SUCO: variants seen among roughly 807,000 people sequenced by gnomAD.
The protein encoded by SUCO is SUN domain-containing ossification factor.
Under a neutral mutation model 148.1 loss-of-function variants are expected in SUCO, and 57 were observed. The ratio of observed to expected loss-of-function variants is 0.38; its 90% confidence interval spans 0.31 to 0.48. The LOEUF is 0.48. Among genes scored for constraint, SUCO ranks in the 20% least tolerant of loss-of-function variants. SUCO has a pLI of 0.96. For missense variants in SUCO, 1,331 were observed against 1,468.2 expected, an observed-to-expected ratio of 0.91 and a Z score of 1.53; for synonymous variants, 470 against 502.7, an observed-to-expected ratio of 0.93 and a Z score of 0.87.
intron 1 of SUCO, chr1:172,542,719 T>A: frequency 1.0e-6 from 1 of 985,408 alleles, no homozygotes; most frequent in African/African-American, 1.7e-5. Context: ...TGGGGACCGC[T>A]GTCATAGAGG....
intron 9 of SUCO, among the ~76,000 whole-genome samples, chr1:172,572,708 A>T (rs868552215): frequency 2.0e-5 from 3 of 146,462 alleles, no homozygotes; most frequent in Admixed American, 6.8e-5. Context: ...AAAAAAAAAA[A>T]AAAAAAAAAA....
At position 172,608,755 on chromosome 1, in the gene SUCO, A is replaced by C; in HGVS notation, c.3274A>C (p.Asn1092His). The change falls in exon 23 of 24, where the codon AAT (asparagine) becomes CAT (histidine). Residue 1092 changes from asparagine (N) to histidine (H), a missense_variant. Physicochemically the swap from Asn to His is moderately conservative, Grantham distance 68 (BLOSUM62 1). This residue lies in a region of SUCO where 334 missense variants were observed against 352.3 expected (regional missense o/e 0.95). Transcript: ENST00000263688. ...TTTTTTTTTACTTACAGTAGACCCA[A>C]ATGATTTGTACATTGTAGAACCCCT... ...LQLTGKEVDP[N>H]DLYIVEPLKF... is the part of the protein sequence containing the mutation. 6.3e-7 allele frequency: 1 copy of C among 1,582,962 alleles called. No homozygotes were observed. Among genetic ancestry groups the C allele is most frequent in the Non-Finnish European group, 8.6e-7 (1 of 1,161,944 alleles).
chr1:172,563,174 T>C (rs1281700803), intron 6 of SUCO, among the ~76,000 whole-genome samples: 1 of 152,132 alleles, frequency 6.6e-6, no homozygotes, highest in East Asian at 1.9e-4. Flanking sequence ...CAGACTAATA[T>C]AGAAAATTGG....
Position 172,570,044 on chromosome 1 carries a change from C to T in SUCO, c.857-3C>T. ...AATATTTATAATAACGGTTTGTCTGCAGGTCAGTCGATGCATGCATCTTCT... is the reference window on the plus strand; with the variant it reads ...AATATTTATAATAACGGTTTGTCTGTAGGTCAGTCGATGCATGCATCTTCT... On this transcript the variant is annotated splice_region_variant and splice_polypyrimidine_tract_variant and intron_variant, in intron 7 of 23. Coordinates refer to ENST00000263688, the MANE Select transcript of SUCO (RefSeq NM_014283.5). 6.8e-7 allele frequency: 1 copy of T among 1,476,268 alleles called. No homozygotes were observed. The highest frequency in any genetic ancestry group is 9.0e-7 in the Non-Finnish European group (1 of 1,106,686). 91.4% of individuals were successfully genotyped at this position (1,476,268 alleles called of 1,614,324 possible).
chr1:172,602,034 G>A (rs763961904), intron 20 of SUCO, 30 bp from the exon 21 acceptor site: 4 of 1,559,320 alleles, frequency 2.6e-6, no homozygotes, highest in South Asian at 1.2e-5. Flanking sequence ...GATTTCCTAT[G>A]ATTATTATTT....
chr1:172,604,555 AAC>A (rs981726598), intron 22 of SUCO, among the ~76,000 whole-genome samples: 1 of 151,924 alleles, frequency 6.6e-6, no homozygotes, highest in African/African-American at 2.4e-5. Flanking sequence ...TTATCATTTT[AAC>A]AGTTTTTAAG....
intron 19 of SUCO, among the ~76,000 whole-genome samples, chr1:172,599,828 G>T (rs1657381796): frequency 1.3e-5 from 2 of 152,114 alleles, no homozygotes; most frequent in Admixed American, 1.3e-4. Context: ...GTAGCAGTGG[G>T]TGACAAAAAT....
chr1:172,594,657 A>AT (rs1340697681), intron 19 of SUCO, among the ~76,000 whole-genome samples: 1 of 152,116 alleles, frequency 6.6e-6, no homozygotes, highest in Non-Finnish European at 1.5e-5. Context: ...GTTTGTTATA[A>AT]TTTCTGTTCT....
At chr1:172,548,047 T>C (rs935954029) in intron 1 of SUCO, among the ~76,000 whole-genome samples, 64 of 152,170 alleles carry the variant, frequency 4.2e-4, no homozygotes, top group African/African-American at 1.5e-3. Context: ...TCTTCTGAAA[T>C]TTGAAATTAT....
Position 172,551,501 on chromosome 1 carries a change from G to C in SUCO, c.63-11G>C, listed in dbSNP as rs200545553. Reference sequence around the variant, plus strand: ...TTTTTCTGTTTGTTGGTGGTGGTGGGTGTTTTACAGGCTTCCCAGCTGGCG... The same window carrying C: ...TTTTTCTGTTTGTTGGTGGTGGTGGCTGTTTTACAGGCTTCCCAGCTGGCG... On this transcript the variant is annotated splice_polypyrimidine_tract_variant and intron_variant, in intron 1 of 23. Transcript: ENST00000263688. 56 of 1,535,950 alleles carry C rather than the reference G, an allele frequency of 3.6e-5. No homozygotes were observed. In the African/African-American group the frequency reaches 5.3e-4, roughly 14 times the overall value.
At chr1:172,585,481 C>T (rs1656174907) in intron 16 of SUCO, among the ~76,000 whole-genome samples, 1 of 152,004 alleles carries the variant, frequency 6.6e-6, no homozygotes, top group Admixed American at 6.6e-5. Context: ...ATATTTTTGG[C>T]AAGAAGAAAC....
In SUCO at chr1:172,608,761, T is replaced by C; in HGVS notation, c.3280T>C (p.Leu1094=). The part of the protein sequence containing the change: ...LTGKEVDPND[L]YIVEPLKFSP... ...TTTACTTACAGTAGACCCAAATGAT[T>C]TGTACATTGTAGAACCCCTCAAGTT... The change falls in exon 23 of 24, where the codon TTG becomes CTG. Residue 1094 remains leucine, a synonymous_variant. Transcript: ENST00000263688. 1 of 1,586,942 alleles carries C rather than the reference T, an allele frequency of 6.3e-7. No homozygotes were observed. The highest frequency in any genetic ancestry group is 8.6e-7 in the Non-Finnish European group (1 of 1,163,730).
intron 19 of SUCO, among the ~76,000 whole-genome samples, chr1:172,593,354 G>C (rs1571274180): frequency 6.6e-6 from 1 of 152,196 alleles, no homozygotes; most frequent in East Asian, 1.9e-4. Context: ...TCTTGTGCCA[G>C]TTTTCAAAGG....
intron 17 of SUCO, chr1:172,588,168 G>A (rs1016517124): frequency 1.0e-6 from 1 of 985,050 alleles, no homozygotes; most frequent in Non-Finnish European, 1.2e-6. Context: ...TATGTGTGTA[G>A]GTGTGTGTGT....
intron 1 of SUCO, among the ~76,000 whole-genome samples, chr1:172,543,678 C>T (rs531441977): frequency 1.3e-5 from 2 of 152,084 alleles, no homozygotes; most frequent in Non-Finnish European, 2.9e-5. Context: ...AGTTAAAAGT[C>T]AGAACTACTG....
At chr1:172,590,183 A>G (rs3738736) in intron 18 of SUCO, 69,566 of 279,690 alleles carry the variant, frequency 0.25, 9,329 homozygotes, top group South Asian at 0.36. Context: ...TGAATTATCT[A>G]TACTCACTTT....
intron 9 of SUCO, 40 bp downstream of exon 9, chr1:172,570,770 A>G (rs1195808535): frequency 8.4e-7 from 1 of 1,184,866 alleles, no homozygotes; most frequent in Admixed American, 1.9e-5. Context: ...TTCTACATAT[A>G]TATGCATATT....
intron 1 of SUCO, among the ~76,000 whole-genome samples, chr1:172,538,856 A>G (rs1244284503): frequency 6.6e-6 from 1 of 152,224 alleles, no homozygotes; most frequent in Admixed American, 6.5e-5. Flanking sequence ...GACAAGTTAG[A>G]TGAAGCCACT....
At chr1:172,532,435 G>A (rs775563694), upstream of SUCO, 5 of 1,523,182 alleles carry the variant, frequency 3.3e-6, no homozygotes, top group African/African-American at 2.8e-5. Context: ...TTGCTGAAGA[G>A]AAGAAAAAGC....
Sources: allele counts gnomAD v4.1 joint callset (sites outside exome capture counted in the v4.1 genomes callset), GRCh38; gene constraint gnomAD v4.1.1; regional missense constraint gnomAD v4.1.1; transcripts MANE v1.5; gene names NCBI Gene and HGNC (gene_info 2026-07-23, HGNC 2026-07-21).